Variants in DYNC1H1 observed in about 807,000 individuals in gnomAD.
DYNC1H1 encodes cytoplasmic dynein 1 heavy chain 1.
A neutral mutation model predicts 527.1 loss-of-function variants in DYNC1H1; 51 were observed. That is an observed-to-expected ratio of 0.10 (90% confidence interval 0.08 to 0.12). The LOEUF is 0.12. DYNC1H1 is among the 10% of genes least tolerant of loss of function. DYNC1H1 has a pLI of 1.00. For synonymous variants in DYNC1H1, 2,189 were observed against 2,278.8 expected (o/e 0.96, Z 1.12); for missense variants, 2,771 against 5,971.8 (o/e 0.46, Z 17.66).
At chr14:102,043,580 T>G in intron 69 of DYNC1H1, 1 of 439,046 alleles carries the variant, frequency 2.3e-6, no homozygotes. Context: ...AGGGGTTTCG[T>G]TCTGTCAATT....
intron 9 of DYNC1H1, among the ~76,000 whole-genome samples, chr14:101,988,444 G>T (rs1296806276): frequency 6.6e-6 from 1 of 152,180 alleles, no homozygotes; most frequent in African/African-American, 2.4e-5. Context: ...GAGAGTGTTG[G>T]GGAGGAGGAT....
At chr14:102,048,420 G>C in intron 73 of DYNC1H1, 96 bp from the exon 74 acceptor site, 2 of 1,531,866 alleles carry the variant, frequency 1.3e-6, no homozygotes, top group South Asian at 2.3e-5. Flanking sequence ...CGGAAGCTCT[G>C]GGGCTCTCCC....
Position 102,011,652 on chromosome 14 carries a change from T to C in DYNC1H1, c.6619-223T>C. On this transcript the variant is annotated intron_variant, in intron 32 of 77. Coordinates refer to ENST00000360184, the MANE Select transcript of DYNC1H1 (RefSeq NM_001376.5). The surrounding 1 kb of genome is among the most constrained non-coding windows in gnomAD (Gnocchi z 5.3). ...TTGTAAAGCCAGCTACTTGGGAGAG[T>C]GAGGAAGGAGAATCACTTGAACCTG... 1.8e-6 allele frequency: 1 copy of C among 562,540 alleles called. No individual in the cohort carries two copies. The highest frequency in any genetic ancestry group is 3.2e-6 in the Non-Finnish European group (1 of 314,224). The allele number at this position is 562,540 out of a possible 1,614,324, so 34.8% of individuals were successfully genotyped here. A position where few individuals can be genotyped will look rare whatever the true frequency, so the allele number is the denominator to read the frequency against.
chr14:102,029,493 C>T lies in DYNC1H1; in HGVS notation c.9469-46C>T. 1 of 1,613,514 alleles carries T rather than the reference C, an allele frequency of 6.2e-7. No individual in the cohort carries two copies. On this transcript the variant is annotated intron_variant, in intron 48 of 77. Transcript: ENST00000360184. The surrounding 1 kb of genome is among the most constrained non-coding windows in gnomAD (Gnocchi z 5.3). ...CCAAAATTGTTTTCTGAGGTTAAGT[C>T]ACAGAGTTTCCTGAAGAGTGAGAAG...
chr14:101,972,251 A>T (rs1302526350), intron 1 of DYNC1H1, among the ~76,000 whole-genome samples: 2 of 151,970 alleles, frequency 1.3e-5, no homozygotes, highest in Non-Finnish European at 2.9e-5. Flanking sequence ...AGAATGTCAG[A>T]TTATTATTTG....
Position 102,040,605 on chromosome 14 carries a change from G to T in DYNC1H1, c.11873G>T (p.Gly3958Val), listed in dbSNP as rs150118849. 7.4e-5 allele frequency: 120 copies of T among 1,614,064 alleles called. No individual in the cohort carries two copies. Among genetic ancestry groups the T allele is most frequent in the Non-Finnish European group, 9.1e-5 (107 of 1,180,054 alleles). ...IAKVQADEQF[G>V]IWLDSSSPEQ... ...CCACTATTGTCTCCACAGCAATTTGGCATCTGGCTGGACAGCAGCTCCCCG... is the reference window on the plus strand; with the variant it reads ...CCACTATTGTCTCCACAGCAATTTGTCATCTGGCTGGACAGCAGCTCCCCG... Residue 3958 changes from glycine (G) to valine (V), a missense_variant, in exon 64 of 78, where the codon GGC becomes GTC. Physicochemically the swap from Gly to Val is moderately radical, Grantham distance 109. Coordinates refer to ENST00000360184, the MANE Select transcript of DYNC1H1 (RefSeq NM_001376.5).
In DYNC1H1 at chr14:101,980,566, AATAATCTG is replaced by A. The variant is rs1320623532; in HGVS notation, c.961+19_961+26del. 6.2e-7 allele frequency: 1 copy of A among 1,613,422 alleles called. No homozygotes were observed. Among genetic ancestry groups the A allele is most frequent in the Non-Finnish European group, 8.5e-7 (1 of 1,179,598 alleles). ...ACTGACACAGGTAACAACTAGAACT[AATAATCTG>A]ATCAGTAAGTTATTGATCTGGCTTT... On this transcript the variant is annotated intron_variant, in intron 5 of 77. Coordinates refer to ENST00000360184, the MANE Select transcript of DYNC1H1 (RefSeq NM_001376.5).
At position 102,042,456 on chromosome 14, in the gene DYNC1H1, G is replaced by A; in HGVS notation, c.12348G>A (p.Leu4116=). ...LMQLEKKLHS[L]QPHACFRLFL... The stretch of plus-strand genomic sequence containing the variant: ...AGCTGGAGAAGAAGTTGCATTCCCT[G>A]CAGCCGCATGCCTGCTTCCGACTCT... Residue 4116 remains leucine (L), a synonymous_variant, in exon 68 of 78, where the codon CTG becomes CTA. Coordinates refer to ENST00000360184, the MANE Select transcript of DYNC1H1 (RefSeq NM_001376.5). The surrounding 1 kb of genome is among the most constrained non-coding windows in gnomAD (Gnocchi z 5.7). 1.2e-6 allele frequency: 2 copies of A among 1,614,140 alleles called. No homozygotes were observed. Among genetic ancestry groups the A allele is most frequent in the Non-Finnish European group, 1.7e-6 (2 of 1,180,030 alleles).
At position 101,964,654 on chromosome 14, in the gene DYNC1H1, C is replaced by T; in HGVS notation, c.-38C>T. ...TGGCTGTCTCGCTGAGTCGCGGCCG[C>T]CTTCTCATCGCTCCTGGAAGGTCCC... On this transcript the variant is annotated 5_prime_UTR_variant, in exon 1 of 78. Transcript: ENST00000360184. The surrounding 1 kb of genome is among the most constrained non-coding windows in gnomAD (Gnocchi z 5.5). 2.6e-6 allele frequency: 4 copies of T among 1,560,344 alleles called. No individual in the cohort carries two copies. In the South Asian group the frequency reaches 3.5e-5, roughly 13 times the overall value.
rs1355547880 is a variant in DYNC1H1 at position 101,965,471 on chromosome 14, C to T, written c.256+524C>T. Among the ~76,000 whole-genome samples, 2 of 152,166 alleles carry T rather than the reference C, an allele frequency of 1.3e-5. No individual in the cohort carries two copies. Among genetic ancestry groups the T allele is most frequent in the Non-Finnish European group, 2.9e-5 (2 of 68,034 alleles). ...GCTGGGGGCAGCCGGGGTTCTGGTT[C>T]GGGAGGAGGTCGGGCGGGTGTCCCA... On this transcript the variant is annotated intron_variant, in intron 1 of 77. Coordinates refer to ENST00000360184, the MANE Select transcript of DYNC1H1 (RefSeq NM_001376.5). This position sits in a 1 kb window ranked among gnomAD's most constrained non-coding sequence, Gnocchi z 4.1.
chr14:102,040,101 T>G, intron 62 of DYNC1H1, 135 bp from the exon 63 acceptor site: 1 of 1,253,166 alleles, frequency 8.0e-7, no homozygotes, highest in South Asian at 1.2e-5. Flanking sequence ...CACCTCGGCC[T>G]CCCAGAGTGC....
chr14:102,045,177 C>T (rs553087909), intron 72 of DYNC1H1: 2 of 220,134 alleles, frequency 9.1e-6, no homozygotes, highest in East Asian at 1.1e-4. Context: ...GTGGCAGGCA[C>T]CTGTAATCCC....
chr14:102,016,502 C>G lies in DYNC1H1; in HGVS notation c.7614+13C>G. ...TATCGATTATGAGGTGAGCATGCAG[C>G]TACCACCCGTGTTTCTGATTCTCGC... On this transcript the variant is annotated intron_variant, in intron 37 of 77. Transcript: ENST00000360184. This position sits in a 1 kb window ranked among gnomAD's most constrained non-coding sequence, Gnocchi z 7.3. 6.2e-7 allele frequency: 1 copy of G among 1,614,176 alleles called. No individual in the cohort carries two copies. Among genetic ancestry groups the G allele is most frequent in the South Asian group, 1.1e-5 (1 of 91,084 alleles).
At chr14:102,022,610 C>G in intron 42 of DYNC1H1, 141 bp from the exon 43 acceptor site, 2 of 1,148,614 alleles carry the variant, frequency 1.7e-6, no homozygotes, top group Non-Finnish European at 1.3e-6. Context: ...TTAGGTTCAT[C>G]CATGCATAGT....
At position 102,000,144 on chromosome 14, in the gene DYNC1H1, G is replaced by A; in HGVS notation, c.3960G>A (p.Gln1320=). Reference sequence around the variant, plus strand: ...TCAGTGGCAGTGAAGAGCGCGTGCAGGTATGAACCACTGGGGAGTGGGTGG... The same window carrying A: ...TCAGTGGCAGTGAAGAGCGCGTGCAAGTATGAACCACTGGGGAGTGGGTGG... The part of the protein sequence containing the change: ...GLLSGSEERV[Q]VALEELQDLK... Residue 1320 remains glutamine, a splice_region_variant and synonymous_variant, in exon 17 of 78, where the codon CAG becomes CAA. Coordinates refer to ENST00000360184, the MANE Select transcript of DYNC1H1 (RefSeq NM_001376.5). The A allele has an allele frequency of 6.2e-7, 1 of 1,614,194 alleles. No homozygotes were observed. The highest frequency in any genetic ancestry group is 8.5e-7 in the Non-Finnish European group (1 of 1,180,026).
chr14:102,034,288 T>G, intron 55 of DYNC1H1, 37 bp from the exon 56 acceptor site: 1 of 1,614,226 alleles, frequency 6.2e-7, no homozygotes. Context: ...CATCTGTGGC[T>G]GTGAAGAGGA....
chr14:101,980,014 T>A lies in DYNC1H1; in HGVS notation c.774+40T>A, dbSNP rs142226874. 3.7e-5 allele frequency: 59 copies of A among 1,613,478 alleles called. 1 individual carries two copies. In the Middle Eastern group the frequency reaches 1.6e-3, roughly 45 times the overall value. On this transcript the variant is annotated intron_variant, in intron 4 of 77. Coordinates refer to ENST00000360184, the MANE Select transcript of DYNC1H1 (RefSeq NM_001376.5). ...TTGAAAGTTATGTAAAATATGTTACTCTTTAATATCTTTGGGAAAACTGAT... is the reference window on the plus strand; with the variant it reads ...TTGAAAGTTATGTAAAATATGTTACACTTTAATATCTTTGGGAAAACTGAT...
intron 12 of DYNC1H1, 31 bp downstream of exon 12, chr14:101,994,355 C>T: frequency 6.2e-7 from 1 of 1,613,914 alleles, no homozygotes; most frequent in African/African-American, 1.3e-5. Context: ...TTCAAATGTG[C>T]ATATGGTCTA....
rs776579060 is a variant in DYNC1H1 at position 102,042,548 on chromosome 14, GCACT to G, written c.12399+42_12399+45del. 93 of 1,613,896 alleles carry G rather than the reference GCACT, an allele frequency of 5.8e-5. No homozygotes were observed. In the African/African-American group the frequency reaches 1.2e-3, roughly 21 times the overall value. On this transcript the variant is annotated intron_variant, in intron 68 of 77. Transcript: ENST00000360184. The surrounding 1 kb of genome is among the most constrained non-coding windows in gnomAD (Gnocchi z 5.7). ...AGTGGAGACGTTGCAGGCTGGCCTGGCACTGTGCTGTCGGCACGTGTGTGGTGGA... is the reference window on the plus strand; with the variant it reads ...AGTGGAGACGTTGCAGGCTGGCCTGGGTGCTGTCGGCACGTGTGTGGTGGA...
Sources: allele counts gnomAD v4.1 joint callset (sites outside exome capture counted in the v4.1 genomes callset), GRCh38; gene constraint gnomAD v4.1.1; non-coding constraint Gnocchi (gnomAD v3.1); transcripts MANE v1.5; gene names NCBI Gene and HGNC (gene_info 2026-07-23, HGNC 2026-07-21).